SCFD1: variants seen among roughly 807,000 people sequenced by gnomAD.
SCFD1 encodes sec1 family domain-containing protein 1.
Under a neutral mutation model 103.2 loss-of-function variants are expected in SCFD1, and 37 were observed. The ratio of observed to expected loss-of-function variants is 0.36; its 90% CI spans 0.28 to 0.47. The LOEUF (loss-of-function observed/expected upper bound fraction) is 0.47. SCFD1 is among the 20% of genes least tolerant of loss of function. The pLI, the probability that SCFD1 is intolerant of heterozygous loss-of-function variation, is 1.00. For synonymous variants in SCFD1, 264 were observed against 245.0 expected, an observed-to-expected ratio of 1.08 and a Z score of -0.73; for missense variants, 639 against 761.2, an observed-to-expected ratio of 0.84 and a Z score of 1.89.
rs544918639 is a variant in SCFD1, at chr14:30,735,732, T to C, written c.*123T>C. The C allele has an allele frequency of 4.6e-6, 3 of 658,578 alleles. No homozygotes were observed. The highest frequency in any genetic ancestry group is 1.9e-5 in the African/African-American group (1 of 53,150). 40.8% of individuals were successfully genotyped at this position (658,578 alleles called of 1,614,324 possible). On this transcript the variant is annotated 3_prime_UTR_variant, in exon 25 of 25. Transcript: ENST00000458591. Reference sequence around the variant, plus strand: ...GTCCTAACAGTGAAAATCAGAGTTATTTGTTAATTTTTAAGGAAATTATAT... The same window carrying C: ...GTCCTAACAGTGAAAATCAGAGTTACTTGTTAATTTTTAAGGAAATTATAT...
At chr14:30,721,850 G>C in intron 21 of SCFD1, 34 bp from the exon 22 acceptor site, 1 of 1,578,156 alleles carries the variant, frequency 6.3e-7, no homozygotes. Flanking sequence ...AAAGCCATGG[G>C]TGAAATTTTC....
intron 24 of SCFD1, chr14:30,735,094 A>G (rs1893746804): frequency 2.4e-6 from 1 of 416,668 alleles, no homozygotes; most frequent in Non-Finnish European, 4.3e-6. Flanking sequence ...TTGGCTTTTA[A>G]TGATCCTTTA....
chr14:30,708,888 A>G (rs1286360706), intron 19 of SCFD1, among the ~76,000 whole-genome samples: 1 of 152,178 alleles, frequency 6.6e-6, no homozygotes, highest in African/African-American at 2.4e-5. Flanking sequence ...ATTCTAATAT[A>G]TAGATATTCT....
chr14:30,683,130 G>A, intron 14 of SCFD1: 1 of 1,195,112 alleles, frequency 8.4e-7, no homozygotes, highest in Non-Finnish European at 1.2e-6. Context: ...GGGTTTGGCA[G>A]CATGTGTGTT....
intron 20 of SCFD1, among the ~76,000 whole-genome samples, chr14:30,718,178 G>C (rs890394307): frequency 5.9e-5 from 9 of 152,302 alleles, no homozygotes; most frequent in Admixed American, 2.6e-4. Flanking sequence ...GTGGAAGAGA[G>C]GCAACCAAGA....
chr14:30,628,168 A>G, intron 1 of SCFD1, 41 bp from the exon 2 acceptor site: 1 of 1,464,884 alleles, frequency 6.8e-7, no homozygotes, highest in Non-Finnish European at 9.5e-7. Flanking sequence ...ATAAAATCCT[A>G]AAAAACAATG....
chr14:30,681,758 G>C (rs1304593441), intron 14 of SCFD1, among the ~76,000 whole-genome samples: 1 of 152,054 alleles, frequency 6.6e-6, no homozygotes, highest in African/African-American at 2.4e-5. Context: ...CATTACAAAA[G>C]ACATTGCTCA....
At position 30,649,516 on chromosome 14, in the gene SCFD1, T is replaced by C. The variant is rs766494255; in HGVS notation, c.614-12T>C. On this transcript the variant is annotated splice_polypyrimidine_tract_variant and intron_variant, in intron 7 of 24. Transcript: ENST00000458591. ...GAGCCAAGATCATTTCTAACATTTATTGTTAAAATAGGTGCTGTTCCTATA... is the reference window on the plus strand; with the variant it reads ...GAGCCAAGATCATTTCTAACATTTACTGTTAAAATAGGTGCTGTTCCTATA... The C allele has an allele frequency of 1.3e-5, 20 of 1,560,700 alleles. No homozygotes were observed. Among genetic ancestry groups the C allele is most frequent in the Non-Finnish European group, 1.7e-5 (19 of 1,150,898 alleles).
chr14:30,649,823 T>A (rs571676836), intron 8 of SCFD1, among the ~76,000 whole-genome samples: 1 of 152,190 alleles, frequency 6.6e-6, no homozygotes, highest in Non-Finnish European at 1.5e-5. Context: ...TTTCTTTTTT[T>A]AAAACTAAAA....
chr14:30,734,689 G>GT, intron 23 of SCFD1, 101 bp from the exon 24 acceptor site: 1 of 907,552 alleles, frequency 1.1e-6, no homozygotes, highest in South Asian at 1.4e-5. Flanking sequence ...AAGAAAGACT[G>GT]TTAAGAATAA....
At chr14:30,721,252 A>G (rs1054015847) in intron 21 of SCFD1, among the ~76,000 whole-genome samples, 4 of 152,156 alleles carry the variant, frequency 2.6e-5, no homozygotes, top group Admixed American at 6.5e-5. Context: ...GATATTTTCA[A>G]AAATTACTTA....
At chr14:30,724,758 C>T (rs1309869521) in intron 23 of SCFD1, among the ~76,000 whole-genome samples, 2 of 152,116 alleles carry the variant, frequency 1.3e-5, no homozygotes, top group Non-Finnish European at 2.9e-5. Flanking sequence ...GAAATCTTTG[C>T]CCATTCCTAT....
rs887273738 is a variant in SCFD1 at position 30,626,788 on chromosome 14, G to C, written c.62-1421G>C. Among the ~76,000 whole-genome samples the C allele has an allele frequency of 2.0e-5, 3 of 152,146 alleles. No individual in the cohort carries two copies. In the South Asian group the frequency reaches 6.2e-4, roughly 32 times the overall value. On this transcript the variant is annotated intron_variant, in intron 1 of 24. Coordinates refer to ENST00000458591, the MANE Select transcript of SCFD1 (RefSeq NM_016106.4). ...TATCTTCCCCACTGGAGGCAATAAG[G>C]GTTCGGCACAACAGTATGTACACAC...
intron 14 of SCFD1, among the ~76,000 whole-genome samples, chr14:30,691,978 T>C (rs1245367640): frequency 7.1e-6 from 1 of 139,928 alleles, no homozygotes; most frequent in Non-Finnish European, 1.6e-5. Flanking sequence ...ATAGACAGGG[T>C]CTCACTATGT....
intron 10 of SCFD1, among the ~76,000 whole-genome samples, chr14:30,662,788 C>A (rs1594639966): frequency 6.6e-6 from 1 of 152,298 alleles, no homozygotes; most frequent in East Asian, 1.9e-4. Flanking sequence ...CTCTCTCTGG[C>A]TCTACTGATT....
At chr14:30,690,554 G>T (rs1459732244) in intron 14 of SCFD1, among the ~76,000 whole-genome samples, 1 of 133,962 alleles carries the variant, frequency 7.5e-6, no homozygotes, top group Non-Finnish European at 1.5e-5. Flanking sequence ...GCAATATTCG[G>T]GTGGAAGTGA....
At chr14:30,632,221 A>C (rs751646980) in intron 3 of SCFD1, among the ~76,000 whole-genome samples, 1 of 152,126 alleles carries the variant, frequency 6.6e-6, no homozygotes, top group Non-Finnish European at 1.5e-5. Flanking sequence ...TTGAATTGAA[A>C]TGTACTCTTA....
At position 30,707,993 on chromosome 14, in the gene SCFD1, T is replaced by C; in HGVS notation, c.1557T>C (p.Leu519=). 1 of 1,612,038 alleles carries C rather than the reference T, an allele frequency of 6.2e-7. No individual in the cohort carries two copies. The highest frequency in any genetic ancestry group is 1.7e-5 in the Admixed American group (1 of 59,996). ...CTTCTCTTTTGCCCCTACCTAGTCT[T>C]TTATCACGAGTCATGAATACAGGAT... The part of the protein sequence containing the change: ...YGSTTTKPMG[L]LSRVMNTGSQ... The change falls in exon 19 of 25, where the codon CTT becomes CTC. Residue 519 remains leucine (L), a synonymous_variant. Transcript: ENST00000458591.
At chr14:30,721,761 AG>A (rs1401424059) in intron 21 of SCFD1, 122 bp from the exon 22 acceptor site, 1 of 789,492 alleles carries the variant, frequency 1.3e-6, no homozygotes, top group Non-Finnish European at 2.1e-6. Flanking sequence ...CCCTCTAAGA[AG>A]GTGAAGGAGG....
Sources: gnomAD v4.1 joint callset for allele counts (sites outside exome capture counted in the v4.1 genomes callset) on GRCh38, gnomAD v4.1.1 for gene constraint, MANE v1.5 for transcripts, NCBI Gene and HGNC (gene_info 2026-07-23, HGNC 2026-07-21) for gene names.